The following TAMM41 variants were observed in gnomAD, a reference collection of about 807,000 sequenced individuals.
TAMM41 encodes TAM41 mitochondrial translocator assembly and maintenance homolog, also known as phosphatidate cytidylyltransferase, mitochondrial.
Under a neutral mutation model 44.1 loss-of-function variants are expected in TAMM41, and 36 were observed. The ratio of observed to expected loss-of-function variants is 0.82; its 90% CI spans 0.63 to 1.08. The LOEUF (loss-of-function observed/expected upper bound fraction) is 1.08. Ranked by LOEUF, TAMM41 falls within the 50% of genes least tolerant of loss-of-function variation. The pLI, the probability that TAMM41 is intolerant of heterozygous loss-of-function variation, is 0.00. For synonymous variants in TAMM41, 164 were observed against 153.1 expected, an observed-to-expected ratio of 1.07 and a Z score of -0.53; for missense variants, 417 against 404.3, an observed-to-expected ratio of 1.03 and a Z score of -0.27.
At chr3:11,766,758 G>T in the TAMM41 span, among the ~76,000 whole-genome samples, 1 of 151,668 alleles carries the variant, frequency 6.6e-6, no homozygotes, top group Non-Finnish European at 1.5e-5. Context: ...TTGTAGAGAT[G>T]AGGGTCTCAC....
chr3:11,827,157 T>C (rs564217291), intron 4 of TAMM41, among the ~76,000 whole-genome samples: 5 of 152,190 alleles, frequency 3.3e-5, no homozygotes, highest in Non-Finnish European at 7.3e-5. Flanking sequence ...CCAAGGACCA[T>C]TGCCTAAAAT....
Position 11,790,467 on chromosome 3 carries a change from T to C in TAMM41, c.*38A>G, listed in dbSNP as rs2077451615. The C allele has an allele frequency of 6.5e-7, 1 of 1,539,674 alleles. No homozygotes were observed. Among genetic ancestry groups the C allele is most frequent in the African/African-American group, 1.4e-5 (1 of 73,342 alleles). ...TTCTGTCAAAAAGGATCAAACACTT[T>C]ATTCATCTACACATAACATATATAA... On this transcript the variant is annotated 3_prime_UTR_variant, in exon 8 of 8. Coordinates refer to ENST00000455809, the MANE Select transcript of TAMM41 (RefSeq NM_001284401.2).
At chr3:11,725,970 G>A in the TAMM41 span, among the ~76,000 whole-genome samples, 2,238 of 152,258 alleles carry the variant, frequency 0.015, 46 homozygotes, top group African/African-American at 0.051. Flanking sequence ...CAATGGGTGA[G>A]TGTTATAAAA....
chr3:11,814,947 G>A (rs753601766), intron 5 of TAMM41, among the ~76,000 whole-genome samples: 2 of 152,006 alleles, frequency 1.3e-5, no homozygotes, highest in African/African-American at 2.4e-5. Context: ...CAGGGCAACT[G>A]AGCAAGGCCC....
the TAMM41 span, among the ~76,000 whole-genome samples, chr3:11,777,933 T>C: frequency 2.7e-4 from 41 of 152,210 alleles, no homozygotes; most frequent in Middle Eastern, 3.4e-3. Flanking sequence ...AGCCCCCCAT[T>C]ACCCACTTCC....
chr3:11,723,129 A>T, the TAMM41 span, among the ~76,000 whole-genome samples: 148 of 152,098 alleles, frequency 9.7e-4, no homozygotes, highest in African/African-American at 3.4e-3. Flanking sequence ...AAAATAAAAT[A>T]AAATAAAAAC....
chr3:11,839,165 A>T, intron 3 of TAMM41, 57 bp downstream of exon 3: 3 of 1,076,344 alleles, frequency 2.8e-6, no homozygotes, highest in Non-Finnish European at 4.2e-6. Context: ...TGATCAAAGT[A>T]AGGTTAGGCT....
At chr3:11,741,555 CACTA>C in the TAMM41 span, among the ~76,000 whole-genome samples, 3 of 150,238 alleles carry the variant, frequency 2.0e-5, no homozygotes, top group East Asian at 1.9e-4. Context: ...GTCTTCCACC[CACTA>C]ACTAAGCACT....
At chr3:11,753,462 C>A in the TAMM41 span, among the ~76,000 whole-genome samples, 4 of 151,674 alleles carry the variant, frequency 2.6e-5, no homozygotes, top group African/African-American at 9.7e-5. Flanking sequence ...CAGTGGCTCA[C>A]GCCTGTAATC....
chr3:11,828,539 G>T (rs2078853150), intron 4 of TAMM41, among the ~76,000 whole-genome samples: 1 of 152,308 alleles, frequency 6.6e-6, no homozygotes, highest in African/African-American at 2.4e-5. Flanking sequence ...TCACAGGGGA[G>T]TATGGAAAGG....
rs950865215 is a variant in TAMM41 at position 11,812,831 on chromosome 3, C to T, written c.709-3149G>A. On this transcript the variant is annotated intron_variant, in intron 5 of 7. Transcript: ENST00000455809. ...GTAGCCAGGGTCCTCCAGACTCCTC[C>T]GAGATGAGGGTCTGGGCCACCCTGT... Among the ~76,000 whole-genome samples the T allele has an allele frequency of 7.9e-5, 12 of 152,038 alleles. No homozygotes were observed. In the South Asian group the frequency reaches 1.2e-3, roughly 16 times the overall value.
At chr3:11,834,861 A>G (rs1265206953) in intron 3 of TAMM41, among the ~76,000 whole-genome samples, 2 of 151,980 alleles carry the variant, frequency 1.3e-5, no homozygotes, top group East Asian at 3.9e-4. Flanking sequence ...TAATTTTTGC[A>G]TTTTTTAGTA....
the TAMM41 span, among the ~76,000 whole-genome samples, chr3:11,729,529 TCTTTCTTTCA>T: frequency 0.02 from 2,346 of 118,130 alleles, 204 homozygotes; most frequent in East Asian, 0.12. Flanking sequence ...TTCTTTCTTT[TCTTTCTTTCA>T]TTTTTTTTTT....
the TAMM41 span, among the ~76,000 whole-genome samples, chr3:11,737,090 G>C: frequency 2.0e-5 from 3 of 151,792 alleles, no homozygotes; most frequent in Non-Finnish European, 4.4e-5. Flanking sequence ...CCACTTTCTC[G>C]GACTGATTCT....
chr3:11,814,202 T>C (rs2078198159), intron 5 of TAMM41, among the ~76,000 whole-genome samples: 1 of 151,812 alleles, frequency 6.6e-6, no homozygotes, highest in South Asian at 2.1e-4. Context: ...ATTAATTAAT[T>C]TAAAAAATCA....
At chr3:11,845,689 A>G (rs761862923) in intron 1 of TAMM41, among the ~76,000 whole-genome samples, 1 of 152,224 alleles carries the variant, frequency 6.6e-6, no homozygotes, top group Non-Finnish European at 1.5e-5. Flanking sequence ...AACAGCATAG[A>G]TGGCCTCACC....
intron 6 of TAMM41, chr3:11,809,235 AT>A: frequency 2.3e-6 from 1 of 436,250 alleles, no homozygotes; most frequent in Non-Finnish European, 4.1e-6. Context: ...TTTTAAATAA[AT>A]TCTAGAAGTT....
chr3:11,748,038 C>T, the TAMM41 span, among the ~76,000 whole-genome samples: 1 of 151,304 alleles, frequency 6.6e-6, no homozygotes, highest in Admixed American at 6.6e-5. Flanking sequence ...CTACACCTGG[C>T]TAATTTTTGT....
chr3:11,749,069 C>A, the TAMM41 span, among the ~76,000 whole-genome samples: 17 of 151,790 alleles, frequency 1.1e-4, no homozygotes, highest in South Asian at 2.1e-4. Context: ...TGCACCACCA[C>A]ACCTGGCTAA....
Sources: allele counts gnomAD v4.1 joint callset (sites outside exome capture counted in the v4.1 genomes callset), GRCh38; gene constraint gnomAD v4.1.1; transcripts MANE v1.5; gene names NCBI Gene and HGNC (gene_info 2026-07-23, HGNC 2026-07-21).